CATSPERD: variants seen among roughly 807,000 people sequenced by gnomAD.
CATSPERD encodes the protein cation channel sperm-associated auxiliary subunit delta.
Under a neutral mutation model 98.1 loss-of-function variants are expected in CATSPERD, and 86 were observed. The observed-to-expected ratio is 0.88, with a 90% confidence interval of 0.74 to 1.05. The LOEUF is 1.05. Ranked by LOEUF, CATSPERD falls within the 50% of genes least tolerant of loss-of-function variation. The pLI is 0.00. For synonymous variants in CATSPERD, 394 were observed against 390.2 expected (o/e 1.01, Z -0.12); for missense variants, 995 against 1,005.7 (o/e 0.99, Z 0.14).
chr19:5,767,990 G>T (rs1334592096), intron 17 of CATSPERD, among the ~76,000 whole-genome samples, 178 bp from the exon 18 acceptor site: 1 of 152,014 alleles, frequency 6.6e-6, no homozygotes, highest in Non-Finnish European at 1.5e-5. Context: ...TAGAGACGGG[G>T]TTTCCTCATG....
chr19:5,748,308 C>A, intron 10 of CATSPERD, 53 bp downstream of exon 10: 1 of 1,536,886 alleles, frequency 6.5e-7, no homozygotes, highest in South Asian at 1.1e-5. Flanking sequence ...GGCTTATTAA[C>A]CGTAGGCCTG....
chr19:5,727,051 C>T (rs902014269), intron 2 of CATSPERD, among the ~76,000 whole-genome samples: 3 of 151,960 alleles, frequency 2.0e-5, no homozygotes, highest in Non-Finnish European at 2.9e-5. Context: ...AAAAACCAGC[C>T]GGGCATGGTG....
chr19:5,747,672 G>C lies in CATSPERD; in HGVS notation c.809-488G>C, dbSNP rs932625439. ...CTGTCGCCCAGGCTGGAGTACAGTG[G>C]CGCAATCTCGGCTCACTGCAACCTC... On this transcript the variant is annotated intron_variant, in intron 9 of 21. Transcript: ENST00000381624. Among the ~76,000 whole-genome samples the C allele has an allele frequency of 2.0e-5, 3 of 149,594 alleles. No individual in the cohort carries two copies. The Admixed American group carries it at 2.0e-4, about 10-fold the overall frequency.
intron 11 of CATSPERD, among the ~76,000 whole-genome samples, chr19:5,749,865 A>G (rs1048263874): frequency 1.4e-5 from 2 of 147,008 alleles, no homozygotes; most frequent in African/African-American, 5.0e-5. Flanking sequence ...ATGCCACAGC[A>G]CAATCTTGGC....
intron 19 of CATSPERD, chr19:5,772,352 C>A: frequency 4.1e-6 from 1 of 245,122 alleles, no homozygotes; most frequent in Non-Finnish European, 8.3e-6. Context: ...CTCAGCCTCC[C>A]GAGTAGCTGG....
chr19:5,728,356 C>CAAAAAAAAAAA (rs564166119), intron 3 of CATSPERD, among the ~76,000 whole-genome samples: 2 of 80,918 alleles, frequency 2.5e-5, no homozygotes, highest in Non-Finnish European at 4.8e-5. Context: ...GACTCTGTCT[C>CAAAAAAAAAAA]AAAAAAAAAA....
rs540346018 is a variant in CATSPERD, at chr19:5,744,490, C to G, written c.637C>G (p.Leu213Val). 15 of 1,612,110 alleles carry G rather than the reference C, an allele frequency of 9.3e-6. No individual in the cohort carries two copies. The East Asian group carries it at 3.3e-4, about 36-fold the overall frequency. ...HFFSLSQVAMLVVNQGKGMFK... is the reference protein window; with the variant it reads ...HFFSLSQVAMVVVNQGKGMFK... ...TTTTTCTTTGTCACAGGTTGCGATG[C>G]TTGTAGTGAATCAAGGGAAGGTAAG... Residue 213 changes from leucine to valine, a missense_variant, in exon 8 of 22, where the codon CTT (leucine) becomes GTT (valine). By Grantham distance (32) the Leu-to-Val change is conservative (BLOSUM62 1). Coordinates refer to ENST00000381624, the MANE Select transcript of CATSPERD (RefSeq NM_152784.4).
Position 5,776,256 on chromosome 19 carries a change from C to A in CATSPERD, c.2037C>A (p.Ile679=). ...QILGGRTANQ[I]IFGHNGFYVF... ...TGGGCGGCCGGACAGCAAACCAGAT[C>A]ATTTTCGGCCACAATGGCTTTTATG... is the stretch of plus-strand genomic sequence containing the variant. The change falls in exon 21 of 22, where the codon ATC becomes ATA. Residue 679 remains isoleucine (I), a synonymous_variant. Coordinates refer to ENST00000381624, the MANE Select transcript of CATSPERD (RefSeq NM_152784.4). The A allele has an allele frequency of 5.0e-6, 8 of 1,614,236 alleles. No individual in the cohort carries two copies. The highest frequency in any genetic ancestry group is 6.8e-6 in the Non-Finnish European group (8 of 1,180,050).
At chr19:5,774,379 G>C (rs1225414425) in intron 20 of CATSPERD, among the ~76,000 whole-genome samples, 1 of 152,050 alleles carries the variant, frequency 6.6e-6, no homozygotes, top group African/African-American at 2.4e-5. Flanking sequence ...GCTGTGGTGA[G>C]TGGCTGCTTT....
chr19:5,733,488 G>A, intron 4 of CATSPERD, among the ~76,000 whole-genome samples: 1 of 139,250 alleles, frequency 7.2e-6, no homozygotes, highest in Non-Finnish European at 1.5e-5. Context: ...CTTTCCCAGA[G>A]TTTTGCTCTT....
intron 21 of CATSPERD, 36 bp downstream of exon 21, chr19:5,776,351 C>A (rs1478436249): frequency 1.2e-6 from 2 of 1,605,552 alleles, no homozygotes; most frequent in Non-Finnish European, 1.7e-6. Flanking sequence ...ACAGGGGACG[C>A]CTGGTGCCCC....
chr19:5,767,284 T>C (rs1599586630), intron 17 of CATSPERD, among the ~76,000 whole-genome samples: 1 of 111,398 alleles, frequency 9.0e-6, no homozygotes, highest in Admixed American at 1.2e-4. Context: ...GCCACTGCAC[T>C]CCAGCCTGGT....
chr19:5,748,096 T>C lies in CATSPERD; in HGVS notation c.809-64T>C, dbSNP rs1368361891. On this transcript the variant is annotated intron_variant, in intron 9 of 21. Coordinates refer to ENST00000381624, the MANE Select transcript of CATSPERD (RefSeq NM_152784.4). The stretch of plus-strand genomic sequence containing the variant: ...GTGGCAGGGGTGGCTGTGGTCCCAG[T>C]AGTAGACATCCCCTTTCCCAGGATG... The C allele has an allele frequency of 3.7e-6, 5 of 1,366,344 alleles. No homozygotes were observed. In the African/African-American group the frequency reaches 5.7e-5, roughly 16 times the overall value. The allele number at this position is 1,366,344 out of a possible 1,614,324, so 84.6% of individuals were successfully genotyped here.
rs1330872346 is a variant in CATSPERD at position 5,766,130 on chromosome 19, C to G, written c.1534C>G (p.Leu512Val). 6.2e-7 allele frequency: 1 copy of G among 1,613,152 alleles called. No homozygotes were observed. The highest frequency in any genetic ancestry group is 2.2e-5 in the East Asian group (1 of 44,820). The change falls in exon 17 of 22, where the codon CTG becomes GTG. Residue 512 changes from leucine (L) to valine (V), a missense_variant. Leu to Val is a conservative substitution (Grantham distance 32, BLOSUM62 1). Around this residue, in one of 3 missense-constraint regions of CATSPERD, gnomAD observed 762 missense variants for 773.7 expected, o/e 0.98. Coordinates refer to ENST00000381624, the MANE Select transcript of CATSPERD (RefSeq NM_152784.4). ...LSTLISVGCDLDKKIVIQNKV... is the reference protein window; with the variant it reads ...LSTLISVGCDVDKKIVIQNKV... Reference sequence around the variant, plus strand: ...GACACTGATTTCAGTTGGCTGCGACCTGGATAAAAAGATCGTCATCCAGAA... The same window carrying G: ...GACACTGATTTCAGTTGGCTGCGACGTGGATAAAAAGATCGTCATCCAGAA...
At chr19:5,778,264 C>A in intron 21 of CATSPERD, 112 bp from the exon 22 acceptor site, 2 of 860,180 alleles carry the variant, frequency 2.3e-6, no homozygotes, top group East Asian at 2.5e-5. Context: ...TACCCGGTCA[C>A]TGCTGTGGGC....
chr19:5,743,041 C>G (rs985796644), intron 7 of CATSPERD, among the ~76,000 whole-genome samples: 1 of 152,188 alleles, frequency 6.6e-6, no homozygotes, highest in African/African-American at 2.4e-5. Flanking sequence ...CGATGGCTCA[C>G]GCCTGTAATC....
rs149492736 is a variant in CATSPERD at position 5,748,265 on chromosome 19, C to T, written c.904+10C>T. Reference sequence around the variant, plus strand: ...CACAACATTGCTGTCAGTGCGTAGCCGACCCACTGCTAGCCAAGAAATATT... The same window carrying T: ...CACAACATTGCTGTCAGTGCGTAGCTGACCCACTGCTAGCCAAGAAATATT... On this transcript the variant is annotated intron_variant, in intron 10 of 21. Coordinates refer to ENST00000381624, the MANE Select transcript of CATSPERD (RefSeq NM_152784.4). 3.0e-4 allele frequency: 482 copies of T among 1,609,658 alleles called. No homozygotes were observed. Among genetic ancestry groups the T allele is most frequent in the Non-Finnish European group, 3.7e-4 (440 of 1,176,032 alleles).
At chr19:5,760,847 A>G (rs2056420077) in intron 15 of CATSPERD, among the ~76,000 whole-genome samples, 1 of 151,828 alleles carries the variant, frequency 6.6e-6, no homozygotes, top group South Asian at 2.1e-4. Flanking sequence ...CAGGAGTTTC[A>G]GGTTGTAGTA....
intron 16 of CATSPERD, among the ~76,000 whole-genome samples, chr19:5,764,915 G>GT (rs1359918480): frequency 1.3e-5 from 2 of 151,792 alleles, no homozygotes; most frequent in Non-Finnish European, 2.9e-5. Context: ...GCACCTGGCT[G>GT]TTTTTTATTT....
Sources: allele counts gnomAD v4.1 joint callset (sites outside exome capture counted in the v4.1 genomes callset), GRCh38; gene constraint gnomAD v4.1.1; regional missense constraint gnomAD v4.1.1; transcripts MANE v1.5; gene names NCBI Gene and HGNC (gene_info 2026-07-23, HGNC 2026-07-21).